Variants in MMD2 observed in about 807,000 individuals in gnomAD.
MMD2 encodes the protein monocyte to macrophage differentiation factor 2.
A neutral mutation model predicts 33.5 loss-of-function variants in MMD2; 30 were observed. The ratio of observed to expected loss-of-function variants is 0.90; its 90% confidence interval spans 0.67 to 1.22. The LOEUF is 1.22. MMD2 is among the 50% of genes most tolerant of loss of function. The probability of loss-of-function intolerance (pLI) is 0.00; values close to 1 mark genes in which losing one functional copy is unlikely to be tolerated. For missense variants in MMD2, 364 were observed against 325.4 expected, an observed-to-expected ratio of 1.12 and a Z score of -0.91; for synonymous variants, 129 against 123.0, an observed-to-expected ratio of 1.05 and a Z score of -0.32.
intron 6 of MMD2, among the ~76,000 whole-genome samples, chr7:4,909,442 A>T (rs1489063723): frequency 6.6e-6 from 1 of 151,908 alleles, no homozygotes; most frequent in Non-Finnish European, 1.5e-5. Flanking sequence ...CAAAAAAAAA[A>T]AAAAGAATTG....
intron 2 of MMD2, among the ~76,000 whole-genome samples, chr7:4,921,760 C>T (rs773768028): frequency 9.9e-5 from 15 of 152,072 alleles, no homozygotes; most frequent in Non-Finnish European, 1.3e-4. Flanking sequence ...CTAGCCTCCC[C>T]GACACCCAGG....
rs1784864556 is a variant in MMD2, at chr7:4,906,257, G to C, written c.*1139C>G. ...TGTCCAGGCAGCATTGGACAGAGAGGCTGGCCCCGCCCTGACGGGGGCTGA... is the reference window on the plus strand; with the variant it reads ...TGTCCAGGCAGCATTGGACAGAGAGCCTGGCCCCGCCCTGACGGGGGCTGA... On this transcript the variant is annotated 3_prime_UTR_variant, in exon 7 of 7. Coordinates refer to ENST00000401401, the MANE Select transcript of MMD2 (RefSeq NM_198403.4). The C allele has an allele frequency of 5.3e-6, 2 of 378,012 alleles. 1 individual carries two copies. The highest frequency in any genetic ancestry group is 2.9e-4 in the South Asian group (2 of 6,828). The allele number at this position is 378,012 out of a possible 1,614,324, so 23.4% of individuals were successfully genotyped here.
chr7:4,951,634 C>T (rs1468877175), intron 1 of MMD2, among the ~76,000 whole-genome samples: 1 of 152,176 alleles, frequency 6.6e-6, no homozygotes, highest in African/African-American at 2.4e-5. Flanking sequence ...AGGTCTCCCT[C>T]TGTCACCCAG....
At chr7:4,954,619 ATGT>A (rs1184951972) in intron 1 of MMD2, among the ~76,000 whole-genome samples, 7 of 151,880 alleles carry the variant, frequency 4.6e-5, no homozygotes, top group Non-Finnish European at 1.0e-4. Flanking sequence ...GGGTTTCACC[ATGT>A]TGCCCAAGCT....
At chr7:4,911,334 C>T (rs1275396806) in intron 4 of MMD2, 88 bp from the exon 5 acceptor site, 6 of 1,091,170 alleles carry the variant, frequency 5.5e-6, no homozygotes, top group Non-Finnish European at 8.0e-6. Flanking sequence ...AGGAAATGGA[C>T]CCCAGGGAAG....
At chr7:4,942,682 G>A (rs1011566999) in intron 1 of MMD2, among the ~76,000 whole-genome samples, 6 of 150,916 alleles carry the variant, frequency 4.0e-5, no homozygotes, top group African/African-American at 1.2e-4. Flanking sequence ...GTGCTATCTC[G>A]GCTCATTGCA....
At chr7:4,894,685 G>C in the MMD2 span, among the ~76,000 whole-genome samples, 1 of 152,072 alleles carries the variant, frequency 6.6e-6, no homozygotes, top group African/African-American at 2.4e-5. The surrounding 1 kb of genome is among the most constrained non-coding windows in gnomAD (Gnocchi z 4.3). Flanking sequence ...GAGGGAGCTT[G>C]CAAGCTAGCA....
At chr7:4,939,282 G>A (rs1026419708) in intron 1 of MMD2, among the ~76,000 whole-genome samples, 7 of 151,744 alleles carry the variant, frequency 4.6e-5, no homozygotes, top group African/African-American at 1.5e-4. Context: ...CCGGTGGCTC[G>A]TGCCTGTAAT....
At chr7:4,911,366 G>T in intron 4 of MMD2, 120 bp from the exon 5 acceptor site, 1 of 718,870 alleles carries the variant, frequency 1.4e-6, no homozygotes, top group Admixed American at 2.6e-5. Context: ...GTGACTCCAC[G>T]GCTGGGACAT....
chr7:4,930,459 GCAATAC>G (rs1353800229), intron 1 of MMD2, among the ~76,000 whole-genome samples: 2 of 151,258 alleles, frequency 1.3e-5, no homozygotes, highest in African/African-American at 4.9e-5. Context: ...GGCTAACACG[GCAATAC>G]CCCATCTCTA....
rs768390647 is a variant in MMD2 at position 4,911,735 on chromosome 7, G to A, written c.366-489C>T. 2.4e-3 allele frequency among the ~76,000 whole-genome samples: 362 copies of A among 151,844 alleles called. 2 individuals are homozygous for A. The highest frequency in any genetic ancestry group is 4.1e-3 in the Non-Finnish European group (277 of 67,968). On this transcript the variant is annotated intron_variant, in intron 4 of 6. Coordinates refer to ENST00000401401, the MANE Select transcript of MMD2 (RefSeq NM_198403.4). ...ACAATCTCGGCTCACTGCAACCTCC[G>A]CCACCCGGGTTCAAGCGATTCTCCT...
At chr7:4,926,298 A>T (rs1785425330) in intron 1 of MMD2, among the ~76,000 whole-genome samples, 1 of 151,416 alleles carries the variant, frequency 6.6e-6, no homozygotes, top group Non-Finnish European at 1.5e-5. Flanking sequence ...ACAGGGTTTA[A>T]TCACGTTGCC....
At chr7:4,939,212 C>T (rs866154176) in intron 1 of MMD2, among the ~76,000 whole-genome samples, 8 of 146,896 alleles carry the variant, frequency 5.4e-5, no homozygotes, top group Non-Finnish European at 9.0e-5. Context: ...AAAAAAAAAC[C>T]CAAAAAAAAC....
At chr7:4,943,433 G>A (rs963304126) in intron 1 of MMD2, among the ~76,000 whole-genome samples, 5 of 151,928 alleles carry the variant, frequency 3.3e-5, no homozygotes, top group African/African-American at 4.8e-5. Context: ...GTGCGCCACC[G>A]TGCCCAGTCA....
chr7:4,957,563 C>G (rs893977302), intron 1 of MMD2, among the ~76,000 whole-genome samples: 1 of 151,830 alleles, frequency 6.6e-6, no homozygotes, highest in African/African-American at 2.4e-5. Context: ...GCAGGAGAAT[C>G]GCTTGAAACC....
intron 1 of MMD2, among the ~76,000 whole-genome samples, chr7:4,945,392 C>A (rs974087204): frequency 1.3e-5 from 2 of 151,194 alleles, no homozygotes; most frequent in Non-Finnish European, 2.9e-5. Flanking sequence ...CCTCAGCCTC[C>A]GGAGTGGCTG....
At position 4,934,210 on chromosome 7, in the gene MMD2, G is replaced by A. The variant is rs10282740; in HGVS notation, c.48-8678C>T. On this transcript the variant is annotated intron_variant, in intron 1 of 6. Transcript: ENST00000401401. ...CTCCCAAAGTGCTGGGATTACAGGCGTGAGCCACTATGCCCGGCCCACAAT... is the reference window on the plus strand; with the variant it reads ...CTCCCAAAGTGCTGGGATTACAGGCATGAGCCACTATGCCCGGCCCACAAT... Among the ~76,000 whole-genome samples, 430 of 151,084 alleles carry A rather than the reference G, an allele frequency of 2.8e-3. 2 individuals are homozygous for A. Among genetic ancestry groups the A allele is most frequent in the African/African-American group, 9.6e-3 (394 of 41,126 alleles).
intron 1 of MMD2, 151 bp downstream of exon 1, chr7:4,958,820 G>A (rs1786459048): frequency 1.6e-6 from 1 of 631,564 alleles, no homozygotes; most frequent in Non-Finnish European, 2.3e-6. Flanking sequence ...GAGGCTGCCT[G>A]GGTCCTGGTT....
chr7:4,917,480 G>A (rs553428790), intron 3 of MMD2, among the ~76,000 whole-genome samples: 48 of 152,114 alleles, frequency 3.2e-4, no homozygotes, highest in African/African-American at 1.1e-3. Context: ...TGGCTAACAT[G>A]GTGAAACCCT....
Sources: gnomAD v4.1 joint callset for allele counts (sites outside exome capture counted in the v4.1 genomes callset) on GRCh38, gnomAD v4.1.1 for gene constraint, Gnocchi (gnomAD v3.1) non-coding constraint, MANE v1.5 for transcripts, NCBI Gene and HGNC (gene_info 2026-07-23, HGNC 2026-07-21) for gene names.